The following TGS1 variants were observed in gnomAD, a reference collection of about 807,000 sequenced individuals.
TGS1 encodes the protein trimethylguanosine synthase 1.
TGS1 carries 69 observed loss-of-function variants against 92.2 expected under a neutral mutation model. That is an observed-to-expected ratio of 0.75 (90% CI 0.62 to 0.91). The LOEUF (loss-of-function observed/expected upper bound fraction) is 0.91, where lower values mean the gene tolerates loss of function less well. TGS1 is among the 40% of genes least tolerant of loss of function. TGS1 has a pLI of 0.00. For synonymous variants in TGS1, 345 were observed against 338.1 expected, an observed-to-expected ratio of 1.02 and a Z score of -0.22; for missense variants, 1,062 against 1,001.2, an observed-to-expected ratio of 1.06 and a Z score of -0.82.
rs1406517227 is a variant in TGS1, at chr8:55,790,202, G to A, written c.1183G>A (p.Ala395Thr). 1 of 1,613,944 alleles carries A rather than the reference G, an allele frequency of 6.2e-7. No individual in the cohort carries two copies. Among genetic ancestry groups the A allele is most frequent in the Admixed American group, 1.7e-5 (1 of 60,008 alleles). ...TTTAGATTCACAGAAGTCTTCAGGA[G>A]CAAACACAAGCAAAGACAGACCACA... is the stretch of plus-strand genomic sequence containing the variant. Reference protein sequence around the residue: ...PAEDSQKSSGANTSKDRPHAS... With the variant: ...PAEDSQKSSGTNTSKDRPHAS... Residue 395 changes from alanine to threonine, a missense_variant, in exon 5 of 13, where the codon GCA becomes ACA. Physicochemically the swap from Ala to Thr is moderately conservative, Grantham distance 58 (BLOSUM62 0). Transcript: ENST00000260129.
At chr8:55,778,745 C>A (rs958517087) in intron 1 of TGS1, among the ~76,000 whole-genome samples, 2 of 152,192 alleles carry the variant, frequency 1.3e-5, no homozygotes, top group African/African-American at 4.8e-5. Flanking sequence ...TCAGAAAGGG[C>A]TTCCTTTCCA....
At chr8:55,814,735 G>A (rs1803431165) in intron 12 of TGS1, among the ~76,000 whole-genome samples, 1 of 148,008 alleles carries the variant, frequency 6.8e-6, no homozygotes, top group Non-Finnish European at 1.5e-5. Context: ...CGGGCATGGT[G>A]GCGGCGTGCC....
chr8:55,820,105 G>A (rs573057579), intron 12 of TGS1, among the ~76,000 whole-genome samples: 39 of 152,180 alleles, frequency 2.6e-4, no homozygotes, highest in Admixed American at 1.9e-3. Flanking sequence ...ATTTTTCAGC[G>A]CTCTGATGTT....
Position 55,799,206 on chromosome 8 carries a change from A to C in TGS1, c.1835A>C (p.Gln612Pro), listed in dbSNP as rs759117820. The C allele has an allele frequency of 3.1e-6, 5 of 1,608,432 alleles. No individual in the cohort carries two copies. Among genetic ancestry groups the C allele is most frequent in the Non-Finnish European group, 4.2e-6 (5 of 1,177,826 alleles). Residue 612 changes from glutamine (Q) to proline (P), a missense_variant, in exon 8 of 13, where the codon CAG becomes CCG. Physicochemically the swap from Gln to Pro is moderately conservative, Grantham distance 76. Coordinates refer to ENST00000260129, the MANE Select transcript of TGS1 (RefSeq NM_024831.8). ...CVTQEVPDSR[Q>P]AETEAEVKKK... ...ACTCAAGAAGTGCCAGACTCCCGCC[A>C]GGCAGAAACTGAAGGTAACACTAAA...
chr8:55,785,598 T>C, intron 2 of TGS1, 121 bp from the exon 3 acceptor site: 1 of 664,930 alleles, frequency 1.5e-6, no homozygotes, highest in Non-Finnish European at 2.4e-6. Context: ...AAAAAAATTG[T>C]AACATTTGCA....
At chr8:55,820,161 T>A (rs1310374389) in intron 12 of TGS1, among the ~76,000 whole-genome samples, 6 of 152,198 alleles carry the variant, frequency 3.9e-5, no homozygotes. Flanking sequence ...TAGTAATTAT[T>A]ATCTATTCTT....
intron 4 of TGS1, among the ~76,000 whole-genome samples, chr8:55,789,591 A>G (rs1811818066): frequency 6.6e-6 from 1 of 152,196 alleles, no homozygotes; most frequent in Non-Finnish European, 1.5e-5. Flanking sequence ...CTGTTAAAAA[A>G]CTTTATACAA....
chr8:55,801,595 T>TTG, intron 8 of TGS1, among the ~76,000 whole-genome samples: 1 of 131,276 alleles, frequency 7.6e-6, no homozygotes, highest in Non-Finnish European at 1.6e-5. Context: ...TTTTTTTTTT[T>TTG]TTTTTTTTTT....
chr8:55,807,717 G>C (rs1173002558), intron 10 of TGS1, among the ~76,000 whole-genome samples: 2 of 151,364 alleles, frequency 1.3e-5, no homozygotes, highest in Non-Finnish European at 2.9e-5. Context: ...TTTTTGTATA[G>C]ACAGGATCTT....
rs778535547 is a variant in TGS1 at position 55,798,942 on chromosome 8, A to G, written c.1571A>G (p.Lys524Arg). 1.9e-6 allele frequency: 3 copies of G among 1,609,844 alleles called. No homozygotes were observed. In the East Asian group the frequency reaches 6.7e-5, roughly 36 times the overall value. The change falls in exon 8 of 13, where the codon AAA (lysine) becomes AGA (arginine). Residue 524 changes from lysine (K) to arginine (R), a missense_variant. By Grantham distance (26) the Lys-to-Arg change is conservative (BLOSUM62 2). Transcript: ENST00000260129. Reference sequence around the variant, plus strand: ...GAAAAATTCCTCACATGGGTTAATAAACCAATGGATGAAGAAGCATCACAG... The same window carrying G: ...GAAAAATTCCTCACATGGGTTAATAGACCAATGGATGAAGAAGCATCACAG... ...KVEKFLTWVN[K>R]PMDEEASQES...
rs117589222 is a variant in TGS1 at position 55,826,435 on chromosome 8, A to G, written c.*1732A>G. ...CTAATAGACTGTTAAGATTGTCAGT[A>G]CTCAATAGGATTTAAGAAGTGTTCT... On this transcript the variant is annotated 3_prime_UTR_variant, in exon 13 of 13. Coordinates refer to ENST00000260129, the MANE Select transcript of TGS1 (RefSeq NM_024831.8). Among the ~76,000 whole-genome samples the G allele has an allele frequency of 3.7e-3, 563 of 152,320 alleles. 5 individuals are homozygous for G. The highest frequency in any genetic ancestry group is 6.8e-3 in the Non-Finnish European group (461 of 68,034).
chr8:55,782,146 C>CTTTATTTA (rs201552456), intron 1 of TGS1, among the ~76,000 whole-genome samples: 9 of 150,734 alleles, frequency 6.0e-5, no homozygotes, highest in East Asian at 2.0e-4. Flanking sequence ...AGAACTTACA[C>CTTTATTTA]TTTATTTATT....
chr8:55,794,352 A>G (rs945849080), intron 6 of TGS1, among the ~76,000 whole-genome samples: 27 of 152,196 alleles, frequency 1.8e-4, no homozygotes, highest in Admixed American at 3.3e-4. Flanking sequence ...CACCACGCCC[A>G]GTCCATTTAT....
chr8:55,796,499 G>T (rs1812054941), intron 7 of TGS1, among the ~76,000 whole-genome samples: 1 of 151,948 alleles, frequency 6.6e-6, no homozygotes, highest in Admixed American at 6.6e-5. Flanking sequence ...AGACAAACCT[G>T]ACCAACATGG....
chr8:55,781,359 T>C (rs547275731), intron 1 of TGS1, among the ~76,000 whole-genome samples: 1 of 152,138 alleles, frequency 6.6e-6, no homozygotes, highest in African/African-American at 2.4e-5. Flanking sequence ...TCATTTCTAT[T>C]TAAAAAAAAA....
At chr8:55,780,625 C>A (rs1053762154) in intron 1 of TGS1, among the ~76,000 whole-genome samples, 3 of 152,126 alleles carry the variant, frequency 2.0e-5, no homozygotes, top group Admixed American at 2.0e-4. Context: ...TTCCAGTAAA[C>A]CCACAAGCCT....
chr8:55,785,938 A>T (rs531426320), intron 3 of TGS1, 47 bp downstream of exon 3: 44 of 1,476,414 alleles, frequency 3.0e-5, no homozygotes, highest in Admixed American at 3.9e-5. Context: ...CGTTTTCTTT[A>T]TAAAATATCG....
At chr8:55,814,845 A>G (rs1232646956) in intron 12 of TGS1, among the ~76,000 whole-genome samples, 1 of 149,922 alleles carries the variant, frequency 6.7e-6, no homozygotes, top group African/African-American at 2.5e-5. Context: ...AAAAAAAAAA[A>G]GAAAGAAAGA....
rs376721258 is a variant in TGS1 at position 55,799,233 on chromosome 8, A to G, written c.1849+13A>G. ...GCAGAAACTGAAGGTAACACTAAAT[A>G]TGCTTCAACTTGCTAATGGATTTAG... On this transcript the variant is annotated intron_variant, in intron 8 of 12. Transcript: ENST00000260129. The G allele has an allele frequency of 4.5e-5, 71 of 1,578,310 alleles. No individual in the cohort carries two copies. The highest frequency in any genetic ancestry group is 6.7e-5 in the East Asian group (3 of 44,596).
Sources: allele counts gnomAD v4.1 joint callset (sites outside exome capture counted in the v4.1 genomes callset), GRCh38; gene constraint gnomAD v4.1.1; transcripts MANE v1.5; gene names NCBI Gene and HGNC (gene_info 2026-07-23, HGNC 2026-07-21).